The following SEMA4B variants were observed in gnomAD, a reference collection of about 807,000 sequenced individuals.
The protein encoded by SEMA4B is semaphorin-4B.
A neutral mutation model predicts 88.1 loss-of-function variants in SEMA4B; 55 were observed. That is an observed-to-expected ratio of 0.62 (90% CI 0.50 to 0.78). SEMA4B has a LOEUF of 0.78. SEMA4B is among the 30% of genes least tolerant of loss of function. SEMA4B has a pLI of 0.00. For missense variants in SEMA4B, 1,062 were observed against 1,111.9 expected (o/e 0.96, Z 0.64); for synonymous variants, 525 against 473.6 (o/e 1.11, Z -1.41).
Position 90,226,791 on chromosome 15 carries a change from T to C in SEMA4B, c.1689-766T>C, listed in dbSNP as rs770048400. Among the ~76,000 whole-genome samples the C allele has an allele frequency of 5.1e-4, 78 of 152,192 alleles. 2 individuals are homozygous for C. The highest frequency in any genetic ancestry group is 3.5e-3 in the Admixed American group (54 of 15,266). ...GGACACCCCAGAATGTTAACTGTCATGATCACTGGCTGGTAGATGCTGTGA... is the reference window on the plus strand; with the variant it reads ...GGACACCCCAGAATGTTAACTGTCACGATCACTGGCTGGTAGATGCTGTGA... On this transcript the variant is annotated intron_variant, in intron 12 of 13. Transcript: ENST00000411539.
chr15:90,208,657 G>C (rs1315559494), intron 1 of SEMA4B, among the ~76,000 whole-genome samples: 1 of 152,124 alleles, frequency 6.6e-6, no homozygotes, highest in African/African-American at 2.4e-5. Flanking sequence ...CATGTCTTGT[G>C]CCCCTTCCAG....
At chr15:90,188,676 C>CT (rs1006476439) in intron 1 of SEMA4B, among the ~76,000 whole-genome samples, 5 of 151,612 alleles carry the variant, frequency 3.3e-5, no homozygotes, top group East Asian at 2.0e-4. Context: ...TACGTATTGT[C>CT]TTTTTTTGTT....
chr15:90,223,102 A>G (rs1051921675), intron 7 of SEMA4B, among the ~76,000 whole-genome samples: 1 of 151,850 alleles, frequency 6.6e-6, no homozygotes, highest in African/African-American at 2.4e-5. Flanking sequence ...TGTAGCTGGG[A>G]CTACCAGCAT....
rs567991968 is a variant in SEMA4B at position 90,201,672 on chromosome 15, C to T, written c.94C>T (p.Leu32=). 3 of 1,515,426 alleles carry T rather than the reference C, an allele frequency of 2.0e-6. No individual in the cohort carries two copies. The highest frequency in any genetic ancestry group is 2.9e-5 in the African/African-American group (2 of 70,016). 93.9% of individuals were successfully genotyped at this position (1,515,426 alleles called of 1,614,324 possible). Residue 32 remains leucine, a synonymous_variant, in exon 1 of 14, where the codon CTG becomes TTG. Coordinates refer to ENST00000411539, the MANE Select transcript of SEMA4B (RefSeq NM_198925.4). ...RPPLLLLLLL[L]LLLQPPPPTW... is the part of the protein sequence containing the mutation. ...ACCGCTGCTGCTGCTCCTGCTGCTG[C>T]TGCTCCTGCTGCAGCCGCCGCCTCC...
At chr15:90,185,357 T>A (rs556602223) in intron 1 of SEMA4B, among the ~76,000 whole-genome samples, 1 of 152,308 alleles carries the variant, frequency 6.6e-6, no homozygotes, top group Admixed American at 6.5e-5. Context: ...CCACCCCTAC[T>A]CCTAAACCCG....
In SEMA4B at chr15:90,229,496, C is replaced by T. The variant is rs1215246687; in HGVS notation, c.*853C>T. On this transcript the variant is annotated 3_prime_UTR_variant, in exon 14 of 14. Transcript: ENST00000411539. ...ACGAGGAACTAACTGCACCCTGGTC[C>T]TCTCCCCAGTCCCCAGTTCACCCTC... 3 of 428,362 alleles carry T rather than the reference C, an allele frequency of 7.0e-6. No homozygotes were observed. The highest frequency in any genetic ancestry group is 3.4e-5 in the South Asian group (2 of 58,280). 26.5% of individuals were successfully genotyped at this position (428,362 alleles called of 1,614,324 possible). A position where few individuals can be genotyped will look rare whatever the true frequency, so the allele number is the denominator to read the frequency against.
chr15:90,192,044 G>A (rs1960359357), intron 1 of SEMA4B: 1 of 153,002 alleles, frequency 6.5e-6, no homozygotes, highest in Non-Finnish European at 1.5e-5. Context: ...TAAGAGGAGA[G>A]CTCAGGGCTA....
At chr15:90,221,504 A>G (rs1425185969) in intron 6 of SEMA4B, 24 bp downstream of exon 6, 3 of 1,604,670 alleles carry the variant, frequency 1.9e-6, no homozygotes, top group Non-Finnish European at 2.6e-6. Flanking sequence ...GCCACCACCC[A>G]GAGGGCAGGG....
intron 1 of SEMA4B, among the ~76,000 whole-genome samples, chr15:90,208,763 T>C (rs1961114993): frequency 6.6e-6 from 1 of 151,664 alleles, no homozygotes; most frequent in South Asian, 2.1e-4. Flanking sequence ...TTTTTTTTTT[T>C]TGAGATGGGG....
Position 90,228,314 on chromosome 15 carries a change from G to A in SEMA4B, c.2185G>A (p.Val729Met), listed in dbSNP as rs1477058718. The A allele has an allele frequency of 2.2e-5, 35 of 1,596,682 alleles. No homozygotes were observed. Among genetic ancestry groups the A allele is most frequent in the African/African-American group, 9.4e-5 (7 of 74,700 alleles). Reference sequence around the variant, plus strand: ...GATGTGCACGCTCTTTGTGCTGGCCGTGCTGCTCCCAGTTTTATTCTTGCT... The same window carrying A: ...GATGTGCACGCTCTTTGTGCTGGCCATGCTGCTCCCAGTTTTATTCTTGCT... ...LVMCTLFVLA[V>M]LLPVLFLLYR... Residue 729 changes from valine (V) to methionine (M), a missense_variant, in exon 14 of 14, where the codon GTG (valine) becomes ATG (methionine). Val to Met is a conservative substitution (Grantham distance 21). Coordinates refer to ENST00000411539, the MANE Select transcript of SEMA4B (RefSeq NM_198925.4).
chr15:90,187,876 A>C (rs747696645), intron 1 of SEMA4B, among the ~76,000 whole-genome samples: 1 of 151,986 alleles, frequency 6.6e-6, no homozygotes, highest in Admixed American at 6.6e-5. Context: ...ATGGTGGTGC[A>C]TGCCTGTAAT....
At chr15:90,223,806 C>T in intron 8 of SEMA4B, 32 bp from the exon 9 acceptor site, 1 of 1,610,272 alleles carries the variant, frequency 6.2e-7, no homozygotes, top group Non-Finnish European at 8.5e-7. Flanking sequence ...GCCCCCAGGG[C>T]TCCTGGGTTA....
At chr15:90,213,232 C>T (rs910796456) in intron 1 of SEMA4B, among the ~76,000 whole-genome samples, 1 of 151,916 alleles carries the variant, frequency 6.6e-6, no homozygotes, top group African/African-American at 2.4e-5. Flanking sequence ...GGTTAAGTGG[C>T]GTGTCCTGGT....
chr15:90,212,629 C>T lies in SEMA4B; in HGVS notation c.158-4810C>T, dbSNP rs992000508. ...AGTGAGTGCGCAAGCGTGGACAAGCCCTGCGGTACCGTGTACACACACACA... is the reference window on the plus strand; with the variant it reads ...AGTGAGTGCGCAAGCGTGGACAAGCTCTGCGGTACCGTGTACACACACACA... On this transcript the variant is annotated intron_variant, in intron 1 of 13. Transcript: ENST00000411539. This position sits in a 1 kb window ranked among gnomAD's most constrained non-coding sequence, Gnocchi z 4.0. 2.1e-5 allele frequency among the ~76,000 whole-genome samples: 3 copies of T among 141,382 alleles called. No homozygotes were observed. Among genetic ancestry groups the T allele is most frequent in the African/African-American group, 7.7e-5 (3 of 38,860 alleles). 92.8% of individuals were successfully genotyped at this position (141,382 alleles called of 152,430 possible).
rs1208425563 is a variant in SEMA4B at position 90,220,102 on chromosome 15, G to A, written c.483+211G>A. 7.6e-6 allele frequency: 4 copies of A among 527,376 alleles called. No homozygotes were observed. The Admixed American group carries it at 1.5e-4, about 19-fold the overall frequency. The allele number at this position is 527,376 out of a possible 1,614,324, so 32.7% of individuals were successfully genotyped here. ...TGTCTCCCTGTGCGGGGAGGCGGGG[G>A]CACATGCGGTCACTTACCCATGAAG... On this transcript the variant is annotated intron_variant, in intron 4 of 13. Transcript: ENST00000411539.
chr15:90,203,126 C>G (rs1960825484), intron 1 of SEMA4B, among the ~76,000 whole-genome samples: 2 of 152,188 alleles, frequency 1.3e-5, no homozygotes, highest in Non-Finnish European at 2.9e-5. Context: ...AGGACAGGGC[C>G]TGGTACGGGA....
chr15:90,217,683 T>A, intron 2 of SEMA4B, 81 bp downstream of exon 2: 1 of 1,605,192 alleles, frequency 6.2e-7, no homozygotes, highest in Non-Finnish European at 8.5e-7. Flanking sequence ...ACCTTCTGGG[T>A]CCAAGGATGA....
Position 90,201,594 on chromosome 15 carries a change from A to T in SEMA4B, c.16A>T (p.Met6Leu). The change falls in exon 1 of 14, where the codon ATG becomes TTG. Residue 6 changes from methionine (M) to leucine (L), a missense_variant. Met to Leu is a conservative substitution (Grantham distance 15). Transcript: ENST00000411539. MLRTA[M>L]GLRSWLAAPW... is the part of the protein sequence containing the mutation. ...TGCTCTCCGAATGCTGCGCACCGCG[A>T]TGGGCCTGAGGAGCTGGCTCGCCGC... 1 of 1,506,014 alleles carries T rather than the reference A, an allele frequency of 6.6e-7. No homozygotes were observed. Among genetic ancestry groups the T allele is most frequent in the Non-Finnish European group, 8.8e-7 (1 of 1,134,856 alleles). The allele number at this position is 1,506,014 out of a possible 1,614,324, so 93.3% of individuals were successfully genotyped here. A position where few individuals can be genotyped will look rare whatever the true frequency, so the allele number is the denominator to read the frequency against.
upstream of SEMA4B, among the ~76,000 whole-genome samples, chr15:90,196,686 A>G (rs1249839769): frequency 6.6e-6 from 1 of 151,824 alleles, no homozygotes; most frequent in East Asian, 1.9e-4. Flanking sequence ...ACGGGGTTTC[A>G]CCATGTTAGC....
Sources: allele counts gnomAD v4.1 joint callset (sites outside exome capture counted in the v4.1 genomes callset), GRCh38; gene constraint gnomAD v4.1.1; non-coding constraint Gnocchi (gnomAD v3.1); transcripts MANE v1.5; gene names NCBI Gene and HGNC (gene_info 2026-07-23, HGNC 2026-07-21).